Variants in GAP43 observed in about 807,000 individuals in gnomAD.
GAP43 encodes the protein neuromodulin.
In GAP43, 6 loss-of-function variants were observed where a neutral mutation model predicts 18.6. That is an observed-to-expected ratio of 0.32 (90% CI 0.18 to 0.64). GAP43 has a LOEUF of 0.64. Ranked by LOEUF, GAP43 falls within the 30% of genes least tolerant of loss-of-function variation. The pLI, the probability that GAP43 is intolerant of heterozygous loss-of-function variation, is 0.78. For missense variants in GAP43, 292 were observed against 295.5 expected (o/e 0.99, Z 0.09); for synonymous variants, 115 against 111.4 (o/e 1.03, Z -0.20).
intron 2 of GAP43, among the ~76,000 whole-genome samples, chr3:115,702,839 A>G (rs1404863197): frequency 6.6e-6 from 1 of 152,140 alleles, no homozygotes; most frequent in East Asian, 1.9e-4. Context: ...AGTTTCAGGC[A>G]AAAGGGGAAA....
At position 115,676,573 on chromosome 3, in the gene GAP43, G is replaced by A. The variant is rs779838055; in HGVS notation, c.591G>A (p.Thr197=). Reference sequence around the variant, plus strand: ...CCAAGGCAACAGCCCAGCCTCCAACGGAGACTGGGGAGAGCAGCCAAGCTG... The same window carrying A: ...CCAAGGCAACAGCCCAGCCTCCAACAGAGACTGGGGAGAGCAGCCAAGCTG... The part of the protein sequence containing the change: ...AAAKATAQPP[T]ETGESSQAEE... Residue 197 remains threonine, a synonymous_variant, in exon 2 of 3, where the codon ACG becomes ACA. Transcript: ENST00000305124. 2.5e-5 allele frequency: 40 copies of A among 1,609,490 alleles called. No individual in the cohort carries two copies. Among genetic ancestry groups the A allele is most frequent in the African/African-American group, 4.0e-5 (3 of 74,814 alleles).
chr3:115,714,873 G>GCACACACACACACA (rs111292409), intron 2 of GAP43, among the ~76,000 whole-genome samples: 2 of 150,390 alleles, frequency 1.3e-5, no homozygotes, highest in African/African-American at 2.4e-5. Context: ...GTGTGCGCGT[G>GCACACACACACACA]CACACACACA....
Position 115,720,938 on chromosome 3 carries a change from C to A in GAP43, c.*56C>A, listed in dbSNP as rs1257619271. 5 of 1,208,118 alleles carry A rather than the reference C, an allele frequency of 4.1e-6. No individual in the cohort carries two copies. The highest frequency in any genetic ancestry group is 6.1e-6 in the Non-Finnish European group (5 of 822,660). The allele number at this position is 1,208,118 out of a possible 1,614,324, so 74.8% of individuals were successfully genotyped here. On this transcript the variant is annotated 3_prime_UTR_variant, in exon 3 of 3. Coordinates refer to ENST00000305124, the MANE Select transcript of GAP43 (RefSeq NM_002045.4). Reference sequence around the variant, plus strand: ...CCTCCCCTCTCCTGAGCCTGTCTCTCCCTACCCTCTTCTCAGCTCCACTCT... The same window carrying A: ...CCTCCCCTCTCCTGAGCCTGTCTCTACCTACCCTCTTCTCAGCTCCACTCT...
At chr3:115,664,300 G>A (rs1331896688) in intron 1 of GAP43, among the ~76,000 whole-genome samples, 2 of 151,510 alleles carry the variant, frequency 1.3e-5, no homozygotes, top group Non-Finnish European at 2.9e-5. Context: ...TTTTAAGTGT[G>A]CATATCCCTG....
intron 1 of GAP43, among the ~76,000 whole-genome samples, chr3:115,656,001 C>G (rs1220331616): frequency 6.6e-6 from 1 of 152,172 alleles, no homozygotes; most frequent in Non-Finnish European, 1.5e-5. Context: ...TGATCTAATT[C>G]AGTTATCTAC....
Position 115,625,779 on chromosome 3 carries a change from G to A in GAP43, c.30+2060G>A, listed in dbSNP as rs545835900. Among the ~76,000 whole-genome samples, 5 of 152,286 alleles carry A rather than the reference G, an allele frequency of 3.3e-5. No homozygotes were observed. In the East Asian group the frequency reaches 9.7e-4, roughly 29 times the overall value. Reference sequence around the variant, plus strand: ...CTCTGATGTGCAAAGTGATGAAGCTGAAATTGTGTTTAGAGTTGTAGAAAT... The same window carrying A: ...CTCTGATGTGCAAAGTGATGAAGCTAAAATTGTGTTTAGAGTTGTAGAAAT... On this transcript the variant is annotated intron_variant, in intron 1 of 2. Coordinates refer to ENST00000305124, the MANE Select transcript of GAP43 (RefSeq NM_002045.4).
At chr3:115,713,312 T>C (rs1256828625) in intron 2 of GAP43, among the ~76,000 whole-genome samples, 1 of 152,192 alleles carries the variant, frequency 6.6e-6, no homozygotes, top group Non-Finnish European at 1.5e-5. Context: ...GGCCCCAGGA[T>C]GATAGCAGCT....
chr3:115,639,523 T>A (rs1045750870), intron 1 of GAP43, among the ~76,000 whole-genome samples: 2 of 152,102 alleles, frequency 1.3e-5, no homozygotes, highest in African/African-American at 4.8e-5. Context: ...TCTTCCCCTT[T>A]GTCAATAATA....
At chr3:115,675,926 C>A in intron 1 of GAP43, 87 bp from the exon 2 acceptor site, 1 of 1,513,698 alleles carries the variant, frequency 6.6e-7, no homozygotes. Flanking sequence ...CAAAATAAAT[C>A]ACTTAATAAA....
chr3:115,699,695 G>A (rs1254143071), intron 2 of GAP43, among the ~76,000 whole-genome samples: 1 of 152,180 alleles, frequency 6.6e-6, no homozygotes, highest in Non-Finnish European at 1.5e-5. Context: ...AGTGCAGTGA[G>A]AAGACAACCG....
intron 2 of GAP43, among the ~76,000 whole-genome samples, chr3:115,692,833 GATATTA>G (rs777563524): frequency 2.6e-5 from 4 of 152,180 alleles, no homozygotes; most frequent in Non-Finnish European, 4.4e-5. Context: ...TCAGTTCAAA[GATATTA>G]ATATTATTTC....
intron 1 of GAP43, among the ~76,000 whole-genome samples, chr3:115,647,682 G>C (rs994575511): frequency 6.6e-6 from 1 of 151,390 alleles, no homozygotes; most frequent in South Asian, 2.1e-4. Context: ...TAAGAATTAG[G>C]GGGGAGGGAA....
chr3:115,633,136 A>G (rs1708281185), intron 1 of GAP43, among the ~76,000 whole-genome samples: 1 of 152,128 alleles, frequency 6.6e-6, no homozygotes, highest in Non-Finnish European at 1.5e-5. Flanking sequence ...CCCTGCATCA[A>G]AAAAGACTCA....
intron 2 of GAP43, among the ~76,000 whole-genome samples, chr3:115,716,112 A>G (rs1272970341): frequency 6.6e-6 from 1 of 152,242 alleles, no homozygotes; most frequent in Non-Finnish European, 1.5e-5. Flanking sequence ...GGACCAGGGA[A>G]GTCACAATCC....
chr3:115,659,320 A>T (rs1306423770), intron 1 of GAP43, among the ~76,000 whole-genome samples: 1 of 152,050 alleles, frequency 6.6e-6, no homozygotes, highest in Non-Finnish European at 1.5e-5. Context: ...TTTCATTTGA[A>T]CTTTCCATTT....
intron 1 of GAP43, chr3:115,663,941 A>T: frequency 6.5e-7 from 1 of 1,550,040 alleles, no homozygotes; most frequent in Non-Finnish European, 8.7e-7. Flanking sequence ...CATGTAACCT[A>T]TACAAGTATT....
intron 2 of GAP43, among the ~76,000 whole-genome samples, chr3:115,703,045 G>C (rs1196098099): frequency 6.6e-6 from 1 of 152,070 alleles, no homozygotes; most frequent in Non-Finnish European, 1.5e-5. Context: ...ATGTTTTCTG[G>C]AGTACAGTGC....
At chr3:115,652,053 G>T (rs1318189322) in intron 1 of GAP43, among the ~76,000 whole-genome samples, 1 of 151,986 alleles carries the variant, frequency 6.6e-6, no homozygotes, top group African/African-American at 2.4e-5. Context: ...TCTCATAAAA[G>T]ACACTCAAGT....
Position 115,683,147 on chromosome 3 carries a change from G to GCGCGCA in GAP43, c.628+6538_628+6539insGCGCAC, listed in dbSNP as rs1252333447. Among the ~76,000 whole-genome samples the GCGCGCA allele has an allele frequency of 1.0e-3, 127 of 127,440 alleles. No individual in the cohort carries two copies. The Middle Eastern group carries it at 0.014, about 14-fold the overall frequency. 83.6% of individuals were successfully genotyped at this position (127,440 alleles called of 152,430 possible). ...TGTGCGCGCGCGTGCGCGCGCGCGC[G>GCGCGCA]CACACACACACACACACACACACAC... On this transcript the variant is annotated intron_variant, in intron 2 of 2. Coordinates refer to ENST00000305124, the MANE Select transcript of GAP43 (RefSeq NM_002045.4).
Sources: allele counts gnomAD v4.1 joint callset (sites outside exome capture counted in the v4.1 genomes callset), GRCh38; gene constraint gnomAD v4.1.1; transcripts MANE v1.5; gene names NCBI Gene and HGNC (gene_info 2026-07-23, HGNC 2026-07-21).